PACRG: variants seen among roughly 807,000 people sequenced by gnomAD.
PACRG encodes parkin coregulated, also known as parkin coregulated gene protein.
A neutral mutation model predicts 29.7 loss-of-function variants in PACRG; 29 were observed. That is an observed-to-expected ratio of 0.98 (90% CI 0.73 to 1.33). The LOEUF is 1.33. Ranked by LOEUF, PACRG falls within the 40% of genes most tolerant of loss-of-function variation. The pLI is 0.00. For synonymous variants in PACRG, 116 were observed against 118.7 expected (o/e 0.98, Z 0.15); for missense variants, 279 against 316.2 (o/e 0.88, Z 0.89).
chr6:163,076,186 C>A (rs1294435162), intron 3 of PACRG, among the ~76,000 whole-genome samples: 1 of 152,170 alleles, frequency 6.6e-6, no homozygotes, highest in Non-Finnish European at 1.5e-5. Context: ...AGACCCCAAA[C>A]CTTGTCTTCT....
intron 2 of PACRG, among the ~76,000 whole-genome samples, chr6:162,849,492 C>T (rs944319027): frequency 6.6e-6 from 1 of 152,182 alleles, no homozygotes; most frequent in Non-Finnish European, 1.5e-5. Context: ...CAGTGCACCC[C>T]CCAGGGGAAT....
intron 2 of PACRG, among the ~76,000 whole-genome samples, chr6:162,896,748 G>A (rs1795199944): frequency 6.6e-6 from 1 of 152,200 alleles, no homozygotes. Context: ...GTGTGTGAAG[G>A]TGAATGTCTT....
At chr6:163,289,187 C>A (rs1208490789) in intron 4 of PACRG, among the ~76,000 whole-genome samples, 1 of 152,178 alleles carries the variant, frequency 6.6e-6, no homozygotes, top group Admixed American at 6.5e-5. Context: ...ACCGACTGAA[C>A]CCTGCGCCAG....
chr6:163,185,189 T>TGAA (rs2128356662), intron 4 of PACRG, among the ~76,000 whole-genome samples: 1 of 149,194 alleles, frequency 6.7e-6, no homozygotes, highest in South Asian at 2.2e-4. Context: ...GAGAGAAAGA[T>TGAA]GGAGGAGGAG....
At chr6:163,073,133 C>A (rs1812230703) in intron 3 of PACRG, among the ~76,000 whole-genome samples, 2 of 151,880 alleles carry the variant, frequency 1.3e-5, no homozygotes, top group South Asian at 4.2e-4. Context: ...CGCAAAAGAC[C>A]CAGAATTGTC....
At chr6:163,143,415 A>G (rs947478486) in intron 4 of PACRG, among the ~76,000 whole-genome samples, 1 of 152,192 alleles carries the variant, frequency 6.6e-6, no homozygotes, top group Non-Finnish European at 1.5e-5. Context: ...AAATGAAACA[A>G]TATGTATGCG....
chr6:163,221,005 G>A (rs1781564670), intron 4 of PACRG, among the ~76,000 whole-genome samples: 1 of 152,174 alleles, frequency 6.6e-6, no homozygotes, highest in South Asian at 2.1e-4. Flanking sequence ...GACACAGTGA[G>A]AATAAATCAT....
chr6:163,221,008 T>G (rs948275286), intron 4 of PACRG, among the ~76,000 whole-genome samples: 2 of 152,206 alleles, frequency 1.3e-5, no homozygotes, highest in African/African-American at 4.8e-5. Context: ...ACAGTGAGAA[T>G]AAATCATATA....
At chr6:163,104,789 C>G (rs544850040) in intron 4 of PACRG, among the ~76,000 whole-genome samples, 2 of 152,130 alleles carry the variant, frequency 1.3e-5, no homozygotes, top group Admixed American at 1.3e-4. Context: ...ATAGTTCTCC[C>G]AACAATTCTC....
intron 4 of PACRG, among the ~76,000 whole-genome samples, chr6:163,235,924 G>GA (rs1267197062): frequency 8.0e-6 from 1 of 125,044 alleles, no homozygotes; most frequent in Non-Finnish European, 1.6e-5. Context: ...AAAAAGAAAG[G>GA]AAAAAAGTTG....
At chr6:163,095,355 C>T (rs1585201360) in intron 4 of PACRG, 13 of 985,316 alleles carry the variant, frequency 1.3e-5, no homozygotes, top group South Asian at 9.4e-5. Context: ...TGCGCCTGCC[C>T]GGAGGGAAGG....
intron 4 of PACRG, among the ~76,000 whole-genome samples, chr6:163,184,184 T>TTG: frequency 6.6e-6 from 1 of 152,372 alleles, no homozygotes; most frequent in African/African-American, 2.4e-5. Context: ...ATTTAGCTCC[T>TTG]TGTGCTCGGT....
chr6:162,795,041 T>C (rs1413843446), intron 1 of PACRG, among the ~76,000 whole-genome samples: 1 of 151,882 alleles, frequency 6.6e-6, no homozygotes, highest in Non-Finnish European at 1.5e-5. Flanking sequence ...GTAGGTCGCA[T>C]TAAGAAAGGG....
chr6:162,818,488 C>G (rs906154803), intron 2 of PACRG, among the ~76,000 whole-genome samples: 2 of 152,068 alleles, frequency 1.3e-5, no homozygotes, highest in African/African-American at 4.8e-5. Context: ...TTGTCTCTAC[C>G]TCTGCTGTGT....
intron 4 of PACRG, among the ~76,000 whole-genome samples, chr6:163,219,777 A>G (rs1382760798): frequency 6.6e-6 from 1 of 151,840 alleles, no homozygotes; most frequent in Non-Finnish European, 1.5e-5. Flanking sequence ...GCATTTCCCT[A>G]AGCCTCAGAA....
At chr6:162,936,585 T>C (rs1261524619) in intron 2 of PACRG, among the ~76,000 whole-genome samples, 2 of 152,108 alleles carry the variant, frequency 1.3e-5, no homozygotes, top group Non-Finnish European at 2.9e-5. Context: ...TTGCAGAAAA[T>C]GTTACTATAT....
chr6:162,796,747 C>CT (rs1210103170), intron 1 of PACRG, among the ~76,000 whole-genome samples: 1 of 151,154 alleles, frequency 6.6e-6, no homozygotes, highest in African/African-American at 2.4e-5. Context: ...TCTCATCTCT[C>CT]TCTCGATTTG....
chr6:162,869,751 A>G (rs1268992241), intron 2 of PACRG, among the ~76,000 whole-genome samples: 1 of 152,212 alleles, frequency 6.6e-6, no homozygotes, highest in Non-Finnish European at 1.5e-5. Flanking sequence ...CAATAATACC[A>G]TGTGCAGAAT....
rs201500564 is a variant in PACRG at position 163,314,845 on chromosome 6, T to C, written c.632T>C (p.Ile211Thr). The change falls in exon 5 of 5, where the codon ATT becomes ACT. Residue 211 changes from isoleucine (I) to threonine (T), a missense_variant. Coordinates refer to ENST00000366888, the MANE Select transcript of PACRG (RefSeq NM_001080379.2). ...GCACCAGTGAACTCCGGAGACGGCA[T>C]TGACTACAGCCAGCAGAAGAGGGAG... ...KNMNVNSGDGIDYSQQKRENI... is the reference protein window; with the variant it reads ...KNMNVNSGDGTDYSQQKRENI... 7.4e-6 allele frequency: 12 copies of C among 1,614,026 alleles called. No homozygotes were observed. Among genetic ancestry groups the C allele is most frequent in the East Asian group, 2.2e-5 (1 of 44,884 alleles).
Sources: gnomAD v4.1 joint callset for allele counts (sites outside exome capture counted in the v4.1 genomes callset) on GRCh38, gnomAD v4.1.1 for gene constraint, MANE v1.5 for transcripts, NCBI Gene and HGNC (gene_info 2026-07-23, HGNC 2026-07-21) for gene names.